Variants in TMEM183A observed in about 807,000 individuals in gnomAD.
TMEM183A encodes chromosome 1 open reading frame 37.
TMEM183A carries 21 observed loss-of-function variants against 46.7 expected under a neutral mutation model. The ratio of observed to expected loss-of-function variants is 0.45; its 90% CI spans 0.32 to 0.65. The LOEUF (loss-of-function observed/expected upper bound fraction) is 0.65. Among genes scored for constraint, TMEM183A ranks in the 30% least tolerant of loss-of-function variants. The probability of loss-of-function intolerance (pLI) is 0.04; values close to 1 mark genes in which losing one functional copy is unlikely to be tolerated. For synonymous variants in TMEM183A, 165 were observed against 180.2 expected (o/e 0.92, Z 0.68); for missense variants, 331 against 481.9 (o/e 0.69, Z 2.93).
At position 203,022,825 on chromosome 1, in the gene TMEM183A, T is replaced by C. The variant is rs763925023; in HGVS notation, c.946-30T>C. The C allele has an allele frequency of 4.4e-5, 71 of 1,613,708 alleles. 1 individual carries two copies. Among genetic ancestry groups the C allele is most frequent in the Middle Eastern group, 3.3e-4 (2 of 6,078 alleles). ...CTCTTGGAAACCAAGGTTGTGTAAG[T>C]TGGATACTGAATTTGCTTTTCCATT... On this transcript the variant is annotated intron_variant, in intron 7 of 7. Coordinates refer to ENST00000367242, the MANE Select transcript of TMEM183A (RefSeq NM_138391.6).
rs1254168018 is a variant in TMEM183A, at chr1:203,014,234, CAAT to C, written c.368-650_368-648del. On this transcript the variant is annotated intron_variant, in intron 3 of 7. Transcript: ENST00000367242. ...TGTTTTCTTATTAGTAAAATGGGCG[CAAT>C]AATATTTTTCTTATTCCATTGAAGA... is the stretch of plus-strand genomic sequence containing the variant. Among the ~76,000 whole-genome samples, 4 of 152,182 alleles carry C rather than the reference CAAT, an allele frequency of 2.6e-5. No homozygotes were observed. The East Asian group carries it at 7.7e-4, about 29-fold the overall frequency.
chr1:203,015,182 C>T, intron 4 of TMEM183A, 134 bp downstream of exon 4: 2 of 1,209,360 alleles, frequency 1.7e-6, no homozygotes, highest in Non-Finnish European at 2.3e-6. Flanking sequence ...CAGCTTTGGA[C>T]TCCTTGAGCC....
rs1447016103 is a variant in TMEM183A at position 203,024,383 on chromosome 1, C to G, written c.*1343C>G. On this transcript the variant is annotated 3_prime_UTR_variant, in exon 8 of 8. Coordinates refer to ENST00000367242, the MANE Select transcript of TMEM183A (RefSeq NM_138391.6). ...CCACCCTCCACCATCCAAAATTAAC[C>G]AGTGAGCTGGATATTACCTGGATAT... 1 of 152,166 alleles carries G rather than the reference C, an allele frequency of 6.6e-6. No homozygotes were observed. The highest frequency in any genetic ancestry group is 1.5e-5 in the Non-Finnish European group (1 of 68,048). The allele number at this position is 152,166 out of a possible 1,614,324, so 9.4% of individuals were successfully genotyped here.
At chr1:203,021,699 C>A (rs181207268) in intron 7 of TMEM183A, among the ~76,000 whole-genome samples, 153 of 152,296 alleles carry the variant, frequency 1.0e-3, no homozygotes, top group African/African-American at 3.6e-3. Context: ...GTGATATTAT[C>A]ACTGTTCAAG....
Position 203,016,142 on chromosome 1 carries a change from T to A in TMEM183A, c.708+2T>A, listed in dbSNP as rs1172898673. On this transcript the variant is annotated splice_donor_variant, in intron 5 of 7. Coordinates refer to ENST00000367242, the MANE Select transcript of TMEM183A (RefSeq NM_138391.6). LOFTEE classifies it high-confidence loss of function. ...CCCAGCACATTAAAGAATTCCAAAG[T>A]AAGTGAGAATTTGTGTTGGGGTTTG... 6.2e-7 allele frequency: 1 copy of A among 1,614,022 alleles called. No homozygotes were observed. The highest frequency in any genetic ancestry group is 8.5e-7 in the Non-Finnish European group (1 of 1,180,020).
intron 3 of TMEM183A, among the ~76,000 whole-genome samples, chr1:203,010,255 T>C (rs1399998111): frequency 6.6e-6 from 1 of 152,222 alleles, no homozygotes; most frequent in Non-Finnish European, 1.5e-5. Flanking sequence ...TGTTAAAGTA[T>C]ATTGAAGTAA....
At chr1:203,018,406 T>A in intron 5 of TMEM183A, 75 bp from the exon 6 acceptor site, 1 of 1,512,128 alleles carries the variant, frequency 6.6e-7, no homozygotes, top group Non-Finnish European at 9.0e-7. Context: ...TTTTTGGTGA[T>A]TATTTTGGTT....
chr1:203,012,219 ATTACTCCC>A (rs1656705612), intron 3 of TMEM183A, among the ~76,000 whole-genome samples: 3 of 74,700 alleles, frequency 4.0e-5, no homozygotes, highest in Admixed American at 1.5e-4. Flanking sequence ...TACTTCAACC[ATTACTCCC>A]CACTCCATCA....
At chr1:203,020,532 A>C (rs75482890) in intron 6 of TMEM183A, among the ~76,000 whole-genome samples, 3 of 152,334 alleles carry the variant, frequency 2.0e-5, no homozygotes, top group African/African-American at 7.2e-5. Context: ...TAGAGGCTGT[A>C]AGTTTCCATT....
rs1292332046 is a variant in TMEM183A, at chr1:203,024,080, TAGAA to T, written c.*1041_*1044del. 3 of 152,330 alleles carry T rather than the reference TAGAA, an allele frequency of 2.0e-5. No individual in the cohort carries two copies. Among genetic ancestry groups the T allele is most frequent in the African/African-American group, 7.2e-5 (3 of 41,556 alleles). 9.4% of individuals were successfully genotyped at this position (152,330 alleles called of 1,614,324 possible). ...GATAGTGACCCTTTCCTTGAACTGT[TAGAA>T]GGGCATTTATTAGGCTAAAACGTCA... On this transcript the variant is annotated 3_prime_UTR_variant, in exon 8 of 8. Transcript: ENST00000367242.
At chr1:203,010,908 A>T (rs1276012634) in intron 3 of TMEM183A, among the ~76,000 whole-genome samples, 1 of 152,210 alleles carries the variant, frequency 6.6e-6, no homozygotes, top group Non-Finnish European at 1.5e-5. Context: ...GTCTCTACAG[A>T]CTTACCTATT....
At position 203,007,387 on chromosome 1, in the gene TMEM183A, G is replaced by A; in HGVS notation, c.-79G>A. 1 of 1,289,834 alleles carries A rather than the reference G, an allele frequency of 7.8e-7. No homozygotes were observed. The highest frequency in any genetic ancestry group is 2.0e-5 in the South Asian group (1 of 48,894). The allele number at this position is 1,289,834 out of a possible 1,614,324, so 79.9% of individuals were successfully genotyped here. On this transcript the variant is annotated 5_prime_UTR_variant, in exon 1 of 8. Coordinates refer to ENST00000367242, the MANE Select transcript of TMEM183A (RefSeq NM_138391.6). ...CGGACCTATGTTCTCGCGAGAGTTA[G>A]CGGCCTCCGGTGTGGGATGGCCGCG...
intron 2 of TMEM183A, among the ~76,000 whole-genome samples, 160 bp from the exon 3 acceptor site, chr1:203,008,483 A>T (rs549164316): frequency 2.0e-4 from 26 of 131,258 alleles, no homozygotes; most frequent in Admixed American, 1.6e-3. Context: ...TATTTAAAAT[A>T]CTAAAATCTT....
chr1:203,019,831 T>G (rs996545307), intron 6 of TMEM183A, among the ~76,000 whole-genome samples: 4 of 152,208 alleles, frequency 2.6e-5, no homozygotes, highest in African/African-American at 9.7e-5. Context: ...CCTTGAACAG[T>G]GACAGTATTA....
intron 3 of TMEM183A, among the ~76,000 whole-genome samples, chr1:203,011,455 G>A (rs1656570445): frequency 6.6e-6 from 1 of 152,042 alleles, no homozygotes; most frequent in African/African-American, 2.4e-5. Flanking sequence ...TGACCAGGCT[G>A]GAGTGCAATG....
chr1:203,014,977 T>C lies in TMEM183A; in HGVS notation c.456T>C (p.Asn152=), dbSNP rs751645583. 1.2e-6 allele frequency: 2 copies of C among 1,613,926 alleles called. No homozygotes were observed. Among genetic ancestry groups the C allele is most frequent in the South Asian group, 2.2e-5 (2 of 91,062 alleles). Residue 152 remains asparagine, a synonymous_variant, in exon 4 of 8, where the codon AAT becomes AAC. Transcript: ENST00000367242. ...ASYIRPEDIV[N]FSLICKNAWT... ...ATATCCGTCCTGAGGACATTGTGAA[T>C]TTTTCCCTGATTTGTAAGAATGCCT... is the stretch of plus-strand genomic sequence containing the variant.
Sources: allele counts gnomAD v4.1 joint callset (sites outside exome capture counted in the v4.1 genomes callset), GRCh38; gene constraint gnomAD v4.1.1; transcripts MANE v1.5; gene names NCBI Gene and HGNC (gene_info 2026-07-23, HGNC 2026-07-21).